COL9A1: variants seen among roughly 807,000 people sequenced by gnomAD.
The protein encoded by COL9A1 is collagen type IX alpha 1 chain, also known as collagen alpha-1(IX) chain.
Under a neutral mutation model 142.6 loss-of-function variants are expected in COL9A1, and 104 were observed. The ratio of observed to expected loss-of-function variants is 0.73; its 90% confidence interval spans 0.62 to 0.86. The LOEUF (loss-of-function observed/expected upper bound fraction) is 0.86, where lower values mean the gene tolerates loss of function less well. Ranked by LOEUF, COL9A1 falls within the 40% of genes least tolerant of loss-of-function variation. COL9A1 has a pLI of 0.00. For synonymous variants in COL9A1, 466 were observed against 396.0 expected, an observed-to-expected ratio of 1.18 and a Z score of -2.10; for missense variants, 1,210 against 1,176.6, an observed-to-expected ratio of 1.03 and a Z score of -0.42.
chr6:70,283,218 GT>G (rs1773288249), intron 6 of COL9A1: 19 of 1,460,502 alleles, frequency 1.3e-5, no homozygotes, highest in Non-Finnish European at 1.7e-5. Flanking sequence ...CGTTCCCCCT[GT>G]TTATGAATGG....
intron 33 of COL9A1, among the ~76,000 whole-genome samples, 172 bp downstream of exon 33, chr6:70,239,082 T>A (rs951684278): frequency 6.6e-6 from 1 of 151,936 alleles, no homozygotes; most frequent in African/African-American, 2.4e-5. Context: ...GAGGTTGCAG[T>A]GAGCCAAGAT....
Position 70,269,758 on chromosome 6 carries a change from A to G in COL9A1, c.1198-93T>C, listed in dbSNP as rs371597853. 8 of 777,306 alleles carry G rather than the reference A, an allele frequency of 1.0e-5. No individual in the cohort carries two copies. In the African/African-American group the frequency reaches 1.2e-4, roughly 12 times the overall value. 48.2% of individuals were successfully genotyped at this position (777,306 alleles called of 1,614,324 possible). A position where few individuals can be genotyped will look rare whatever the true frequency, so the allele number is the denominator to read the frequency against. ...AAAGCTCATCAGGCAAAAGTATAAA[A>G]TATATTTGTTTAATAAAATATAAGA... is the stretch of plus-strand genomic sequence containing the variant. On this transcript the variant is annotated intron_variant, in intron 15 of 37. Coordinates refer to ENST00000357250, the MANE Select transcript of COL9A1 (RefSeq NM_001851.6).
intron 19 of COL9A1, among the ~76,000 whole-genome samples, chr6:70,261,914 G>A (rs1583284434): frequency 6.6e-6 from 1 of 151,982 alleles, no homozygotes; most frequent in East Asian, 1.9e-4. Context: ...TTATATTTGT[G>A]CATGTACATT....
At position 70,269,646 on chromosome 6, in the gene COL9A1, T is replaced by C; in HGVS notation, c.1217A>G (p.Asp406Gly). The C allele has an allele frequency of 6.3e-7, 1 of 1,594,266 alleles. No homozygotes were observed. Among genetic ancestry groups the C allele is most frequent in the Non-Finnish European group, 8.6e-7 (1 of 1,161,932 alleles). The change falls in exon 16 of 38, where the codon GAT becomes GGT. Residue 406 changes from aspartate (D) to glycine (G), a missense_variant. Asp to Gly is a moderately conservative substitution (Grantham distance 94). Transcript: ENST00000357250. ...AAAGCATCTTACCAATGGATCTCCA[T>C]CATGAAAGCCAATTGTTCCCTAAAG... The part of the protein sequence containing the change: ...PGPRGTIGFH[D>G]GDPLCPNACP...
chr6:70,228,485 T>A (rs892617859), intron 36 of COL9A1, among the ~76,000 whole-genome samples: 2 of 152,182 alleles, frequency 1.3e-5, no homozygotes, highest in African/African-American at 2.4e-5. Context: ...CACCTTGCAA[T>A]AAATTCTATA....
chr6:70,263,188 T>C (rs1771801106), intron 19 of COL9A1, 56 bp downstream of exon 19: 1 of 1,343,234 alleles, frequency 7.4e-7, no homozygotes. Flanking sequence ...CCAACAGTCA[T>C]GAAAAAAAAG....
chr6:70,283,865 T>A, intron 5 of COL9A1, 45 bp from the exon 6 acceptor site: 1 of 1,379,370 alleles, frequency 7.2e-7, no homozygotes, highest in Non-Finnish European at 1.0e-6. Context: ...TTTGGACGAC[T>A]GAAGCTGGTC....
At chr6:70,256,123 C>CT (rs1771275514) in intron 21 of COL9A1, among the ~76,000 whole-genome samples, 1 of 152,186 alleles carries the variant, frequency 6.6e-6, no homozygotes, top group African/African-American at 2.4e-5. Flanking sequence ...CTTTCCTGCC[C>CT]GTAGGCTTTC....
chr6:70,249,866 C>G (rs944143503), intron 28 of COL9A1, among the ~76,000 whole-genome samples: 45 of 152,264 alleles, frequency 3.0e-4, no homozygotes, highest in African/African-American at 1.1e-3. Flanking sequence ...CCAAGCAGCT[C>G]TCCCTACTCC....
intron 7 of COL9A1, 127 bp from the exon 8 acceptor site, chr6:70,281,591 A>G: frequency 3.0e-6 from 2 of 660,064 alleles, no homozygotes; most frequent in Non-Finnish European, 5.2e-6. Flanking sequence ...GGGTTTTGCA[A>G]CCCAACGCAA....
At chr6:70,224,824 T>C (rs79946456) in intron 37 of COL9A1, among the ~76,000 whole-genome samples, 1 of 152,332 alleles carries the variant, frequency 6.6e-6, no homozygotes, top group African/African-American at 2.4e-5. Flanking sequence ...TATCAATATG[T>C]GAAAACATTT....
intron 4 of COL9A1, among the ~76,000 whole-genome samples, chr6:70,297,379 T>A (rs186799862): frequency 6.6e-6 from 1 of 152,150 alleles, no homozygotes; most frequent in Admixed American, 6.5e-5. Flanking sequence ...ATGTTATTGA[T>A]CTTTGATCCT....
At chr6:70,254,777 C>G in intron 24 of COL9A1, 186 bp downstream of exon 24, 1 of 704,786 alleles carries the variant, frequency 1.4e-6, no homozygotes, top group South Asian at 1.8e-5. Flanking sequence ...TTCCTGAAAC[C>G]AAGCAAATAA....
intron 10 of COL9A1, among the ~76,000 whole-genome samples, chr6:70,276,404 A>T (rs2127593861): frequency 6.6e-6 from 1 of 152,268 alleles, no homozygotes; most frequent in African/African-American, 2.4e-5. Flanking sequence ...CAGTCAACTA[A>T]CACTCTTCAA....
intron 5 of COL9A1, among the ~76,000 whole-genome samples, chr6:70,293,615 CCT>C (rs373493811): frequency 1.4e-4 from 20 of 144,518 alleles, no homozygotes; most frequent in African/African-American, 4.2e-4. Flanking sequence ...GTCTCACCCT[CCT>C]CTCTCTCTCT....
intron 4 of COL9A1, among the ~76,000 whole-genome samples, chr6:70,297,695 A>T (rs899706531): frequency 3.9e-5 from 6 of 152,188 alleles, no homozygotes; most frequent in Non-Finnish European, 7.4e-5. Context: ...AAGAATCATA[A>T]GGGTTTGAAT....
chr6:70,283,337 T>G, intron 6 of COL9A1: 1 of 1,069,778 alleles, frequency 9.3e-7, no homozygotes. Flanking sequence ...AGGCGAGGAC[T>G]GAGCACGCAG....
At chr6:70,295,001 C>T (rs1773798685) in intron 4 of COL9A1, among the ~76,000 whole-genome samples, 2 of 152,170 alleles carry the variant, frequency 1.3e-5, no homozygotes, top group Non-Finnish European at 2.9e-5. Flanking sequence ...TTAATTAAAG[C>T]AGCTAGCAGC....
intron 17 of COL9A1, 57 bp downstream of exon 17, chr6:70,268,747 A>G (rs576524751): frequency 6.6e-7 from 1 of 1,514,630 alleles, no homozygotes; most frequent in South Asian, 1.1e-5. Context: ...GCTTAAAGTA[A>G]AGGCTCCATT....
Sources: allele counts gnomAD v4.1 joint callset (sites outside exome capture counted in the v4.1 genomes callset), GRCh38; gene constraint gnomAD v4.1.1; transcripts MANE v1.5; gene names NCBI Gene and HGNC (gene_info 2026-07-23, HGNC 2026-07-21).